The following STK11IP variants were observed in gnomAD, a reference collection of about 807,000 sequenced individuals.
STK11IP encodes the protein serine/threonine-protein kinase 11-interacting protein.
Under a neutral mutation model 131.7 loss-of-function variants are expected in STK11IP, and 103 were observed. That is an observed-to-expected ratio of 0.78 (90% CI 0.67 to 0.92). STK11IP has a LOEUF of 0.92. Among genes scored for constraint, STK11IP ranks in the 40% least tolerant of loss-of-function variants. The probability of loss-of-function intolerance (pLI) is 0.00; values close to 1 mark genes in which losing one functional copy is unlikely to be tolerated. For missense variants in STK11IP, 1,315 were observed against 1,385.7 expected (o/e 0.95, Z 0.81); for synonymous variants, 557 against 575.6 (o/e 0.97, Z 0.46).
At chr2:219,605,406 G>A in intron 7 of STK11IP, 4 of 532,710 alleles carry the variant, frequency 7.5e-6, no homozygotes, top group Non-Finnish European at 1.3e-5. Context: ...CATGCTCAGG[G>A]TGTGGCCTTG....
intron 2 of STK11IP, among the ~76,000 whole-genome samples, chr2:219,599,807 C>T (rs943686802): frequency 6.6e-6 from 1 of 150,884 alleles, no homozygotes; most frequent in Non-Finnish European, 1.5e-5. Context: ...GATCTCGGCT[C>T]ACTGCAACCC....
chr2:219,602,508 T>A lies in STK11IP; in HGVS notation c.479T>A (p.Leu160His), dbSNP rs1389915338. Reference protein sequence around the residue: ...SACGGDFCSALPWLALLSANF... With the variant: ...SACGGDFCSAHPWLALLSANF... ...TGCGGCGGCGACTTCTGCTCTGCCCTCCCTTGGCTGGCTCTGCTTTCTGCC... is the reference window on the plus strand; with the variant it reads ...TGCGGCGGCGACTTCTGCTCTGCCCACCCTTGGCTGGCTCTGCTTTCTGCC... The change falls in exon 6 of 25, where the codon CTC becomes CAC. Residue 160 changes from leucine (L) to histidine (H), a missense_variant. Transcript: ENST00000456909. 6.2e-7 allele frequency: 1 copy of A among 1,613,948 alleles called. No individual in the cohort carries two copies. Among genetic ancestry groups the A allele is most frequent in the Non-Finnish European group, 8.5e-7 (1 of 1,179,890 alleles).
rs745571773 is a variant in STK11IP at position 219,615,301 on chromosome 2, G to A, written c.3077G>A (p.Arg1026His). The change falls in exon 24 of 25, where the codon CGC becomes CAC. Residue 1026 changes from arginine (R) to histidine (H), a missense_variant. Coordinates refer to ENST00000456909, the MANE Select transcript of STK11IP (RefSeq NM_052902.4). ...AGCCTGAGCTCCGTGCTGCTCTACC[G>A]CTCAGCCCCTGAGGACTTGCGGCTG... ...LSSLSSVLLYRSAPEDLRLLF... is the reference protein window; with the variant it reads ...LSSLSSVLLYHSAPEDLRLLF... 3 of 1,602,526 alleles carry A rather than the reference G, an allele frequency of 1.9e-6. No individual in the cohort carries two copies. The highest frequency in any genetic ancestry group is 1.1e-5 in the South Asian group (1 of 90,686).
Position 219,605,944 on chromosome 2 carries a change from C to T in STK11IP, c.746-12C>T, listed in dbSNP as rs376301005. 2.3e-5 allele frequency: 37 copies of T among 1,587,894 alleles called. No individual in the cohort carries two copies. Among genetic ancestry groups the T allele is most frequent in the African/African-American group, 2.1e-4 (16 of 74,562 alleles). ...TCCACATGCTCTTCCTTCCTTCTTG[C>T]GTCCACCCCAGGCCTAGAGCAGCTG... On this transcript the variant is annotated splice_polypyrimidine_tract_variant and intron_variant, in intron 8 of 24. Transcript: ENST00000456909.
intron 2 of STK11IP, among the ~76,000 whole-genome samples, chr2:219,599,006 A>C (rs1347291483): frequency 6.6e-6 from 1 of 152,240 alleles, no homozygotes; most frequent in Admixed American, 6.5e-5. Flanking sequence ...GGTACATACT[A>C]CAGTTAATGT....
At chr2:219,614,075 G>A in intron 21 of STK11IP, 86 bp from the exon 22 acceptor site, 2 of 1,556,154 alleles carry the variant, frequency 1.3e-6, no homozygotes, top group Non-Finnish European at 1.8e-6. Flanking sequence ...CCAGAAATGT[G>A]GAGAATAGGA....
At position 219,606,059 on chromosome 2, in the gene STK11IP, G is replaced by C. The variant is rs753396486; in HGVS notation, c.849G>C (p.Lys283Asn). Reference sequence around the variant, plus strand: ...TGTGGCTGCTGGCTGAGCTCCGCAAGGTGAGATGGGAATGCATCAGGGGCC... The same window carrying C: ...TGTGGCTGCTGGCTGAGCTCCGCAACGTGAGATGGGAATGCATCAGGGGCC... Reference protein sequence around the residue: ...SPLWLLAELRKLYLEGNPLWF... With the variant: ...SPLWLLAELRNLYLEGNPLWF... The change falls in exon 9 of 25, where the codon AAG (lysine) becomes AAC (asparagine). Residue 283 changes from lysine to asparagine, a missense_variant and splice_region_variant. Lys to Asn is a moderately conservative substitution (Grantham distance 94). Coordinates refer to ENST00000456909, the MANE Select transcript of STK11IP (RefSeq NM_052902.4). The C allele has an allele frequency of 6.3e-6, 10 of 1,596,594 alleles. No individual in the cohort carries two copies. Among genetic ancestry groups the C allele is most frequent in the Non-Finnish European group, 8.5e-6 (10 of 1,171,672 alleles).
intron 13 of STK11IP, 21 bp from the exon 14 acceptor site, chr2:219,608,026 C>T (rs762032536): frequency 5.5e-5 from 88 of 1,602,780 alleles, no homozygotes; most frequent in Non-Finnish European, 7.2e-5. Flanking sequence ...TTGCTCAGTT[C>T]TGGGTTCCCC....
Position 219,613,240 on chromosome 2 carries a change from A to C in STK11IP, c.2537+15A>C. 1 of 1,293,648 alleles carries C rather than the reference A, an allele frequency of 7.7e-7. No individual in the cohort carries two copies. The highest frequency in any genetic ancestry group is 1.1e-6 in the Non-Finnish European group (1 of 935,474). 80.1% of individuals were successfully genotyped at this position (1,293,648 alleles called of 1,614,324 possible). On this transcript the variant is annotated intron_variant, in intron 20 of 24. Coordinates refer to ENST00000456909, the MANE Select transcript of STK11IP (RefSeq NM_052902.4). ...GGGGAGATGCGGTGAGTGAGAGGGG[A>C]GATGCAGTGAGTAAGGGGGGAGATG... is the stretch of plus-strand genomic sequence containing the variant.
chr2:219,615,479 G>A, intron 24 of STK11IP, 138 bp downstream of exon 24: 6 of 1,212,752 alleles, frequency 4.9e-6, no homozygotes, highest in Non-Finnish European at 6.8e-6. Context: ...GAGAGAACTA[G>A]GGTTGGAGGA....
At position 219,602,097 on chromosome 2, in the gene STK11IP, G is replaced by C. The variant is rs1407869764; in HGVS notation, c.438+14G>C. 1.3e-6 allele frequency: 2 copies of C among 1,577,422 alleles called. No homozygotes were observed. Among genetic ancestry groups the C allele is most frequent in the South Asian group, 2.3e-5 (2 of 87,090 alleles). On this transcript the variant is annotated intron_variant, in intron 5 of 24. Transcript: ENST00000456909. ...CAGGCATTAGAGGTAAGGAGAGTGA[G>C]GGGTGAGCTCAGACACCTCAACTTG...
At chr2:219,614,586 A>G (rs1698514492) in intron 23 of STK11IP, 40 bp downstream of exon 23, 1 of 1,607,324 alleles carries the variant, frequency 6.2e-7, no homozygotes, top group Admixed American at 1.7e-5. Context: ...TGGTCTCTGT[A>G]CCCTACCTTG....
chr2:219,601,822 AC>A, intron 4 of STK11IP, 107 bp downstream of exon 4: 1 of 1,306,866 alleles, frequency 7.7e-7, no homozygotes, highest in Non-Finnish European at 1.1e-6. Context: ...GCCTGAGTAT[AC>A]CCATTGCTCT....
At chr2:219,608,496 G>T (rs1402417162) in intron 14 of STK11IP, 66 bp downstream of exon 14, 2 of 1,530,634 alleles carry the variant, frequency 1.3e-6, no homozygotes, top group Admixed American at 2.1e-5. Context: ...GAGTGGTGGG[G>T]CCTGGCGGGT....
At chr2:219,599,997 A>G (rs912120428) in intron 2 of STK11IP, among the ~76,000 whole-genome samples, 10 of 149,328 alleles carry the variant, frequency 6.7e-5, no homozygotes, top group African/African-American at 2.2e-4. Context: ...TGGCCTCCCA[A>G]AGTGCTGGGA....
intron 7 of STK11IP, among the ~76,000 whole-genome samples, chr2:219,603,529 T>C (rs1698058852): frequency 6.7e-6 from 1 of 149,610 alleles, no homozygotes. Context: ...TTTTTTTTCT[T>C]TTTTTTTTTG....
At position 219,615,246 on chromosome 2, in the gene STK11IP, G is replaced by A; in HGVS notation, c.3022G>A (p.Val1008Met). Residue 1008 changes from valine to methionine, a missense_variant, in exon 24 of 25, where the codon GTG (valine) becomes ATG (methionine). By Grantham distance (21) the Val-to-Met change is conservative (BLOSUM62 1). Coordinates refer to ENST00000456909, the MANE Select transcript of STK11IP (RefSeq NM_052902.4). The part of the protein sequence containing the change: ...KVPPSGPGPA[V>M]RVREQQPLSS... ...GCCTCCCTCGGGGCCGGGCCCTGCT[G>A]TGCGTGTCAGGGAGCAGCAGCCACT... 1 of 1,596,854 alleles carries A rather than the reference G, an allele frequency of 6.3e-7. No individual in the cohort carries two copies. Among genetic ancestry groups the A allele is most frequent in the Non-Finnish European group, 8.5e-7 (1 of 1,176,804 alleles).
intron 2 of STK11IP, 150 bp from the exon 3 acceptor site, chr2:219,601,085 T>G: frequency 1.6e-6 from 1 of 643,984 alleles, no homozygotes; most frequent in Non-Finnish European, 2.7e-6. Context: ...TGAATGCTTT[T>G]GAGCTGAGAA....
chr2:219,615,581 G>A, intron 24 of STK11IP: 1 of 654,726 alleles, frequency 1.5e-6, no homozygotes, highest in Non-Finnish European at 2.8e-6. Context: ...CCATTTAGCT[G>A]GGCCACGAGG....
Sources: allele counts gnomAD v4.1 joint callset (sites outside exome capture counted in the v4.1 genomes callset), GRCh38; gene constraint gnomAD v4.1.1; transcripts MANE v1.5; gene names NCBI Gene and HGNC (gene_info 2026-07-23, HGNC 2026-07-21).